CTPS1: variants seen among roughly 807,000 people sequenced by gnomAD.
The protein encoded by CTPS1 is CTP synthetase 1.
Under a neutral mutation model 80.5 loss-of-function variants are expected in CTPS1, and 25 were observed. The observed-to-expected ratio is 0.31, with a 90% CI of 0.23 to 0.43. The LOEUF is 0.43. Among genes scored for constraint, CTPS1 ranks in the 20% least tolerant of loss-of-function variants. The probability of loss-of-function intolerance (pLI) is 1.00; values close to 1 mark genes in which losing one functional copy is unlikely to be tolerated. For missense variants in CTPS1, 442 were observed against 725.7 expected (o/e 0.61, Z 4.49); for synonymous variants, 267 against 252.5 (o/e 1.06, Z -0.54).
chr1:41,008,582 C>T (rs1262532148), intron 14 of CTPS1, 77 bp from the exon 15 acceptor site: 1 of 1,473,102 alleles, frequency 6.8e-7, no homozygotes, highest in African/African-American at 1.4e-5. Context: ...AAAAGTAAAG[C>T]AGGAAGGAGG....
intron 4 of CTPS1, among the ~76,000 whole-genome samples, chr1:40,987,950 T>G (rs1642497870): frequency 6.6e-6 from 1 of 152,180 alleles, no homozygotes; most frequent in African/African-American, 2.4e-5. Context: ...TCTCACTCTG[T>G]CACCCAGGCT....
rs186753161 is a variant in CTPS1, at chr1:41,009,596, G to T, written c.1691+7G>T. 3 of 1,613,796 alleles carry T rather than the reference G, an allele frequency of 1.9e-6. No homozygotes were observed. The South Asian group carries it at 3.3e-5, about 18-fold the overall frequency. On this transcript the variant is annotated splice_region_variant and intron_variant, in intron 17 of 18. Coordinates refer to ENST00000650070, the MANE Select transcript of CTPS1 (RefSeq NM_001905.4). ...GCTGCAGGCTCTCACCCAGGTAGGC[G>T]CACTCTTTGCTTCAGTAATCCATTA...
At chr1:41,002,312 C>A in intron 11 of CTPS1, 58 bp downstream of exon 11, 1 of 1,389,470 alleles carries the variant, frequency 7.2e-7, no homozygotes, top group South Asian at 1.2e-5. Flanking sequence ...GGGAACGGTG[C>A]CACGTGGGAG....
chr1:40,988,772 C>T (rs973084922), intron 5 of CTPS1, 62 bp downstream of exon 5: 58 of 1,121,154 alleles, frequency 5.2e-5, no homozygotes, highest in African/African-American at 2.0e-4. Flanking sequence ...AAAGGTAAAC[C>T]GGAATGATTT....
In CTPS1 at chr1:41,008,654, G is replaced by C. The variant is rs1009869417; in HGVS notation, c.1394-5G>C. 1 of 1,613,964 alleles carries C rather than the reference G, an allele frequency of 6.2e-7. No homozygotes were observed. Among genetic ancestry groups the C allele is most frequent in the African/African-American group, 1.3e-5 (1 of 74,914 alleles). Reference sequence around the variant, plus strand: ...TCTTTACATACAGCCCGTTTGTTTTGCCAGGGAAACTCTATGGAGACGCAG... The same window carrying C: ...TCTTTACATACAGCCCGTTTGTTTTCCCAGGGAAACTCTATGGAGACGCAG... On this transcript the variant is annotated splice_region_variant and splice_polypyrimidine_tract_variant and intron_variant, in intron 14 of 18. Coordinates refer to ENST00000650070, the MANE Select transcript of CTPS1 (RefSeq NM_001905.4).
At position 40,985,005 on chromosome 1, in the gene CTPS1, T is replaced by A. The variant is rs752494489; in HGVS notation, c.337+14T>A. 76 of 1,536,352 alleles carry A rather than the reference T, an allele frequency of 4.9e-5. No individual in the cohort carries two copies. Among genetic ancestry groups the A allele is most frequent in the Non-Finnish European group, 6.5e-5 (73 of 1,131,414 alleles). On this transcript the variant is annotated intron_variant, in intron 3 of 18. Coordinates refer to ENST00000650070, the MANE Select transcript of CTPS1 (RefSeq NM_001905.4). ...AAACTGTCCAAGGTAATACTGGATT[T>A]ACCTTTAAAGCTTAAAAGTCTTAAC...
At position 40,980,053 on chromosome 1, in the gene CTPS1, G is replaced by T. The variant is rs528287964; in HGVS notation, c.-14+224G>T. ...CTGCCGGCTCCCGCGCGCGGGCCTC[G>T]TGGCCGGGCGGCGCTGGGGAGAGGG... On this transcript the variant is annotated intron_variant, in intron 1 of 18. Coordinates refer to ENST00000650070, the MANE Select transcript of CTPS1 (RefSeq NM_001905.4). 6 of 151,246 alleles carry T rather than the reference G, an allele frequency of 4.0e-5. No homozygotes were observed. The South Asian group carries it at 1.2e-3, about 31-fold the overall frequency. The allele number at this position is 151,246 out of a possible 1,614,324, so 9.4% of individuals were successfully genotyped here.
rs1642617692 is a variant in CTPS1 at position 40,991,791 on chromosome 1, T to C, written c.666T>C (p.Leu222=). Residue 222 remains leucine (L), a synonymous_variant, in exon 7 of 19, where the codon CTT becomes CTC. Coordinates refer to ENST00000650070, the MANE Select transcript of CTPS1 (RefSeq NM_001905.4). ...DLVVCRCSNP[L]DTSVKEKISM... ...TTGTATGCAGGTGCTCAAATCCACT[T>C]GACACATCAGTGAAGGAGAAAATAT... The C allele has an allele frequency of 6.2e-7, 1 of 1,614,064 alleles. No individual in the cohort carries two copies. Among genetic ancestry groups the C allele is most frequent in the Non-Finnish European group, 8.5e-7 (1 of 1,179,914 alleles).
At chr1:41,009,736 G>T in intron 17 of CTPS1, 147 bp downstream of exon 17, 1 of 941,078 alleles carries the variant, frequency 1.1e-6, no homozygotes, top group Non-Finnish European at 1.6e-6. Context: ...CTTTCCCGGA[G>T]CTTTCTCACG....
intron 1 of CTPS1, chr1:40,980,535 CAG>C: frequency 6.6e-6 from 1 of 152,332 alleles, no homozygotes; most frequent in Non-Finnish European, 1.5e-5. Context: ...GCGGGCGGCG[CAG>C]AGATTCTCAC....
rs571620355 is a variant in CTPS1 at position 41,009,819 on chromosome 1, A to G, written c.1691+230A>G. 3.0e-4 allele frequency among the ~76,000 whole-genome samples: 46 copies of G among 152,176 alleles called. 1 individual carries two copies. In the South Asian group the frequency reaches 6.8e-3, roughly 23 times the overall value. On this transcript the variant is annotated intron_variant, in intron 17 of 18. Transcript: ENST00000650070. ...GCTCTGGTGGTGCTGACCAGATCAC[A>G]CTTGGCGTAGGACCCTCTGGTCCAT...
chr1:40,981,612 A>G lies in CTPS1; in HGVS notation c.-13-1666A>G, dbSNP rs190182166. Among the ~76,000 whole-genome samples the G allele has an allele frequency of 4.6e-4, 70 of 152,326 alleles. No individual in the cohort carries two copies. The East Asian group carries it at 0.013, about 29-fold the overall frequency. ...TCAGATAAGCTTGGAGACACCGCATACTGTATAGCAGTGATCACAGTGCGA... is the reference window on the plus strand; with the variant it reads ...TCAGATAAGCTTGGAGACACCGCATGCTGTATAGCAGTGATCACAGTGCGA... On this transcript the variant is annotated intron_variant, in intron 1 of 18. Coordinates refer to ENST00000650070, the MANE Select transcript of CTPS1 (RefSeq NM_001905.4).
rs1311011345 is a variant in CTPS1, at chr1:41,010,192, T to C, written c.1723T>C (p.Ser575Pro). 1 of 1,613,992 alleles carries C rather than the reference T, an allele frequency of 6.2e-7. No individual in the cohort carries two copies. The highest frequency in any genetic ancestry group is 1.1e-5 in the South Asian group (1 of 91,084). Reference sequence around the variant, plus strand: ...CTATAGTGACAGGAGTGGAAGCAGCTCCCCTGACTCTGAAATCACCGAACT... The same window carrying C: ...CTATAGTGACAGGAGTGGAAGCAGCCCCCCTGACTCTGAAATCACCGAACT... ...DTYSDRSGSS[S>P]PDSEITELKF... The change falls in exon 18 of 19, where the codon TCC becomes CCC. Residue 575 changes from serine (S) to proline (P), a missense_variant. By Grantham distance (74) the Ser-to-Pro change is moderately conservative (BLOSUM62 -1). This residue lies in a region of CTPS1 where 321 missense variants were observed against 467.2 expected (regional missense o/e 0.69). Transcript: ENST00000650070.
At chr1:41,008,061 T>G (rs1295852371) in intron 14 of CTPS1, among the ~76,000 whole-genome samples, 2 of 152,256 alleles carry the variant, frequency 1.3e-5, no homozygotes, top group Non-Finnish European at 2.9e-5. Context: ...AGAGGCACCC[T>G]TGTGTCTGTC....
At chr1:40,982,609 C>T (rs1642345941) in intron 1 of CTPS1, among the ~76,000 whole-genome samples, 1 of 152,126 alleles carries the variant, frequency 6.6e-6, no homozygotes, top group Admixed American at 6.5e-5. Context: ...AGGCTGGTCT[C>T]GAACTCCTGA....
intron 9 of CTPS1, among the ~76,000 whole-genome samples, chr1:41,000,253 TTTTG>T (rs869041318): frequency 6.7e-6 from 1 of 148,784 alleles, no homozygotes; most frequent in Non-Finnish European, 1.5e-5. Flanking sequence ...TTTTGTTTTG[TTTTG>T]TTTGAGATGG....
At chr1:41,009,703 G>A (rs1303470983) in intron 17 of CTPS1, 114 bp downstream of exon 17, 16 of 1,306,600 alleles carry the variant, frequency 1.2e-5, no homozygotes, top group South Asian at 4.0e-5. Flanking sequence ...AGCCACAGGC[G>A]CCTGGGGTGA....
intron 11 of CTPS1, among the ~76,000 whole-genome samples, chr1:41,002,496 G>C (rs995033183): frequency 1.3e-5 from 2 of 152,174 alleles, no homozygotes; most frequent in Non-Finnish European, 2.9e-5. Context: ...GTGAATTCCT[G>C]TCCATTTAAT....
At chr1:41,002,307 CG>C in intron 11 of CTPS1, 53 bp downstream of exon 11, 1 of 1,448,962 alleles carries the variant, frequency 6.9e-7, no homozygotes, top group Non-Finnish European at 9.7e-7. Context: ...GAGTGGGGAA[CG>C]GTGCCACGTG....
Sources: gnomAD v4.1 joint callset for allele counts (sites outside exome capture counted in the v4.1 genomes callset) on GRCh38, gnomAD v4.1.1 for gene constraint, gnomAD v4.1.1 regional missense constraint, MANE v1.5 for transcripts, NCBI Gene and HGNC (gene_info 2026-07-23, HGNC 2026-07-21) for gene names.